RIC1: variants seen among roughly 807,000 people sequenced by gnomAD.
RIC1 encodes RIC1 partner of RAB6A GEF complex, also known as guanine nucleotide exchange factor subunit RIC1.
RIC1 carries 88 observed loss-of-function variants against 169.0 expected under a neutral mutation model. That is an observed-to-expected ratio of 0.52 (90% confidence interval 0.44 to 0.62). RIC1 has a LOEUF of 0.62. Among genes scored for constraint, RIC1 ranks in the 20% least tolerant of loss-of-function variants. The pLI is 0.00. For missense variants in RIC1, 1,877 were observed against 1,725.5 expected (o/e 1.09, Z -1.56); for synonymous variants, 790 against 601.5 (o/e 1.31, Z -4.59).
rs1228606928 is a variant in RIC1, at chr9:5,667,827, G to C, written c.252+11137G>C. ...CCTGAGATGTGCCTTTTTAAGTGTGGATGTCTACTGTTCCAACCTCTGCCA... is the reference window on the plus strand; with the variant it reads ...CCTGAGATGTGCCTTTTTAAGTGTGCATGTCTACTGTTCCAACCTCTGCCA... On this transcript the variant is annotated intron_variant, in intron 2 of 25. Coordinates refer to ENST00000414202, the MANE Select transcript of RIC1 (RefSeq NM_020829.4). Among the ~76,000 whole-genome samples, 12 of 152,204 alleles carry C rather than the reference G, an allele frequency of 7.9e-5. No homozygotes were observed. In the East Asian group the frequency reaches 1.9e-3, roughly 24 times the overall value.
Position 5,763,197 on chromosome 9 carries a change from T to C in RIC1, c.2170T>C (p.Cys724Arg), listed in dbSNP as rs1328339260. 4 of 1,613,986 alleles carry C rather than the reference T, an allele frequency of 2.5e-6. No homozygotes were observed. In the African/African-American group the frequency reaches 4.0e-5, roughly 16 times the overall value. Residue 724 changes from cysteine to arginine, a missense_variant, in exon 19 of 26, where the codon TGT becomes CGT. Cys to Arg is a radical substitution (Grantham distance 180, BLOSUM62 -3). Coordinates refer to ENST00000414202, the MANE Select transcript of RIC1 (RefSeq NM_020829.4). This position sits in a 1 kb window ranked among gnomAD's most constrained non-coding sequence, Gnocchi z 5.2. Reference protein sequence around the residue: ...AQSVENVWTTCRANKQKRHLL... With the variant: ...AQSVENVWTTRRANKQKRHLL... ...GTCTGTTGAAAATGTCTGGACAACG[T>C]GTCGAGCAAATAAACAGAAACGTCA...
intron 3 of RIC1, among the ~76,000 whole-genome samples, chr9:5,702,681 G>C (rs1822304059): frequency 6.6e-6 from 1 of 152,136 alleles, no homozygotes; most frequent in African/African-American, 2.4e-5. Flanking sequence ...TGGGACTACA[G>C]GCACACGCCG....
intron 24 of RIC1, 38 bp downstream of exon 24, chr9:5,772,779 C>T: frequency 6.3e-7 from 1 of 1,581,258 alleles, no homozygotes; most frequent in Non-Finnish European, 8.6e-7. Context: ...AGAATGCCTA[C>T]TCAGAGTATT....
At chr9:5,720,833 C>A in intron 6 of RIC1, 83 bp downstream of exon 6, 2 of 1,217,514 alleles carry the variant, frequency 1.6e-6, no homozygotes, top group Non-Finnish European at 2.3e-6. Flanking sequence ...CTATTTTCAT[C>A]ATTCATGTAA....
chr9:5,768,888 T>C, intron 21 of RIC1, 82 bp from the exon 22 acceptor site: 1 of 1,425,830 alleles, frequency 7.0e-7, no homozygotes, highest in South Asian at 1.4e-5. Context: ...CCTTGTCAGC[T>C]TTATCAGTAC....
rs1314747217 is a variant in RIC1, at chr9:5,769,220, A to G, written c.3388A>G (p.Ile1130Val). The G allele has an allele frequency of 1.2e-6, 2 of 1,614,062 alleles. No individual in the cohort carries two copies. The highest frequency in any genetic ancestry group is 1.7e-6 in the Non-Finnish European group (2 of 1,180,004). Reference protein sequence around the residue: ...WPLPIIPASSISSPFKNGKYR... With the variant: ...WPLPIIPASSVSSPFKNGKYR... ...ACTTCCAATCATCCCAGCCTCTTCT[A>G]TCAGTTCTCCTTTCAAAAATGGAAA... is the stretch of plus-strand genomic sequence containing the variant. The change falls in exon 22 of 26, where the codon ATC (isoleucine) becomes GTC (valine). Residue 1130 changes from isoleucine (I) to valine (V), a missense_variant. This residue lies in a region of RIC1 where 681 missense variants were observed against 582.0 expected (regional missense o/e 1.17). Transcript: ENST00000414202.
chr9:5,720,901 C>T (rs1235492616), intron 6 of RIC1, 151 bp downstream of exon 6: 1 of 668,924 alleles, frequency 1.5e-6, no homozygotes, highest in East Asian at 3.1e-5. Flanking sequence ...TATAAGTAGA[C>T]AAAATTCTCT....
chr9:5,738,745 T>C (rs1006410985), intron 8 of RIC1, among the ~76,000 whole-genome samples: 10 of 152,164 alleles, frequency 6.6e-5, no homozygotes, highest in Non-Finnish European at 1.3e-4. Flanking sequence ...TTTGTCCATT[T>C]GACCTAGAAG....
chr9:5,645,075 C>G (rs756308172), intron 1 of RIC1, among the ~76,000 whole-genome samples: 5 of 152,020 alleles, frequency 3.3e-5, no homozygotes, highest in African/African-American at 7.3e-5. Context: ...AGTTAATTAT[C>G]TATTCAAATC....
At chr9:5,693,509 A>G (rs1237922244) in intron 3 of RIC1, among the ~76,000 whole-genome samples, 1 of 152,136 alleles carries the variant, frequency 6.6e-6, no homozygotes, top group East Asian at 1.9e-4. Flanking sequence ...TGAATTTTCC[A>G]TTTTAGAAAT....
intron 19 of RIC1, chr9:5,765,181 G>GTA (rs745921959): frequency 8.2e-5 from 35 of 427,124 alleles, no homozygotes; most frequent in Non-Finnish European, 3.7e-5. Flanking sequence ...ATGACTTAAA[G>GTA]TATATGTATG....
Position 5,733,632 on chromosome 9 carries a change from A to T in RIC1, c.812+1153A>T, listed in dbSNP as rs1180281811. Among the ~76,000 whole-genome samples the T allele has an allele frequency of 6.6e-5, 10 of 152,218 alleles. No individual in the cohort carries two copies. The East Asian group carries it at 1.9e-3, about 29-fold the overall frequency. On this transcript the variant is annotated intron_variant, in intron 7 of 25. Transcript: ENST00000414202. The stretch of plus-strand genomic sequence containing the variant: ...TACACTCTTAATAAACTCTTTGTAA[A>T]GTAGGGAATCCTCATCCTCAACTTT...
intron 4 of RIC1, among the ~76,000 whole-genome samples, chr9:5,717,414 T>C (rs1012995063): frequency 3.3e-5 from 5 of 152,164 alleles, no homozygotes; most frequent in Admixed American, 1.3e-4. Context: ...GTGACTACTC[T>C]GCTAAATTGC....
chr9:5,702,791 C>T (rs1017839927), intron 3 of RIC1, among the ~76,000 whole-genome samples: 1 of 152,164 alleles, frequency 6.6e-6, no homozygotes, highest in Admixed American at 6.5e-5. Context: ...AGGCATTCTG[C>T]CCGACTTGGC....
At chr9:5,653,278 CATTG>C (rs1034100378) in intron 1 of RIC1, among the ~76,000 whole-genome samples, 12 of 152,242 alleles carry the variant, frequency 7.9e-5, no homozygotes, top group African/African-American at 2.9e-4. Flanking sequence ...TATTCTGTTC[CATTG>C]ATTGATTTGT....
At chr9:5,677,538 C>T (rs1340464282) in intron 2 of RIC1, among the ~76,000 whole-genome samples, 1 of 152,096 alleles carries the variant, frequency 6.6e-6, no homozygotes, top group East Asian at 1.9e-4. Context: ...CATTCTGTTC[C>T]ATGATCTATT....
intron 16 of RIC1, among the ~76,000 whole-genome samples, chr9:5,756,589 G>A (rs1219078997): frequency 6.6e-6 from 1 of 151,832 alleles, no homozygotes; most frequent in East Asian, 1.9e-4. Context: ...TCTTCCTGGA[G>A]TCATTTGAAA....
intron 1 of RIC1, among the ~76,000 whole-genome samples, chr9:5,649,101 C>T (rs946958158): frequency 1.3e-5 from 2 of 151,902 alleles, no homozygotes; most frequent in African/African-American, 4.8e-5. Flanking sequence ...TGCCACTTCA[C>T]TCCAGCCTGG....
intron 5 of RIC1, 51 bp downstream of exon 5, chr9:5,720,375 C>G: frequency 6.5e-7 from 1 of 1,532,624 alleles, no homozygotes; most frequent in Non-Finnish European, 8.9e-7. Context: ...TGTTTGATGT[C>G]TAGTTAGGTA....
Sources: allele counts gnomAD v4.1 joint callset (sites outside exome capture counted in the v4.1 genomes callset), GRCh38; gene constraint gnomAD v4.1.1; regional missense constraint gnomAD v4.1.1; non-coding constraint Gnocchi (gnomAD v3.1); transcripts MANE v1.5; gene names NCBI Gene and HGNC (gene_info 2026-07-23, HGNC 2026-07-21).